Variants in UVRAG observed in about 807,000 individuals in gnomAD.
The protein encoded by UVRAG is UV radiation resistance associated.
A neutral mutation model predicts 78.0 loss-of-function variants in UVRAG; 19 were observed. The ratio of observed to expected loss-of-function variants is 0.24; its 90% confidence interval spans 0.17 to 0.36. The LOEUF is 0.36. Among genes scored for constraint, UVRAG ranks in the 10% least tolerant of loss-of-function variants. The pLI, the probability that UVRAG is intolerant of heterozygous loss-of-function variation, is 1.00. For missense variants in UVRAG, 740 were observed against 853.8 expected (o/e 0.87, Z 1.66); for synonymous variants, 323 against 324.6 (o/e 1.00, Z 0.05).
At chr11:75,973,345 T>G (rs1351168768) in intron 7 of UVRAG, among the ~76,000 whole-genome samples, 1 of 152,236 alleles carries the variant, frequency 6.6e-6, no homozygotes, top group African/African-American at 2.4e-5. Context: ...TGAATTACAT[T>G]AACTGCTCTT....
chr11:76,094,815 C>T (rs759879347), intron 13 of UVRAG, among the ~76,000 whole-genome samples: 3 of 152,012 alleles, frequency 2.0e-5, no homozygotes, highest in Non-Finnish European at 4.4e-5. Flanking sequence ...AAGCTTGGAG[C>T]ATGTGGACAG....
chr11:75,940,871 A>G (rs1399114675), intron 6 of UVRAG, among the ~76,000 whole-genome samples: 1 of 152,182 alleles, frequency 6.6e-6, no homozygotes, highest in Non-Finnish European at 1.5e-5. Flanking sequence ...CCTAACCACT[A>G]CACTATGCTA....
chr11:75,842,639 A>G (rs572903626), intron 1 of UVRAG, among the ~76,000 whole-genome samples: 5 of 152,006 alleles, frequency 3.3e-5, no homozygotes, highest in Non-Finnish European at 7.4e-5. Flanking sequence ...ACAGGGTTTC[A>G]CCATGTTGCC....
chr11:76,141,670 A>T lies in UVRAG; in HGVS notation c.*257A>T. On this transcript the variant is annotated 3_prime_UTR_variant, in exon 15 of 15. Coordinates refer to ENST00000356136, the MANE Select transcript of UVRAG (RefSeq NM_003369.4). ...AATCACCCTCTAGTTGAAAGAGCTT[A>T]CAGCTCGAGTCACCTTTTAGCTATT... 2 of 496,446 alleles carry T rather than the reference A, an allele frequency of 4.0e-6. No homozygotes were observed. The highest frequency in any genetic ancestry group is 7.2e-6 in the Non-Finnish European group (2 of 279,720). 30.8% of individuals were successfully genotyped at this position (496,446 alleles called of 1,614,324 possible).
chr11:76,090,133 C>T (rs1324764349), intron 13 of UVRAG, among the ~76,000 whole-genome samples: 1 of 152,178 alleles, frequency 6.6e-6, no homozygotes, highest in Non-Finnish European at 1.5e-5. Flanking sequence ...TCAAATGCAG[C>T]AACTGGTCAG....
At chr11:75,987,128 G>A (rs1199514961) in intron 8 of UVRAG, among the ~76,000 whole-genome samples, 2 of 152,138 alleles carry the variant, frequency 1.3e-5, no homozygotes, top group East Asian at 3.8e-4. Context: ...ACCTGGAAGT[G>A]GAATTGCTGG....
At chr11:75,829,647 G>T (rs566671552) in intron 1 of UVRAG, among the ~76,000 whole-genome samples, 57 of 152,326 alleles carry the variant, frequency 3.7e-4, no homozygotes, top group Non-Finnish European at 6.9e-4. Flanking sequence ...AAGCTTTTCT[G>T]TGAAGGACCA....
At chr11:75,843,414 T>TA (rs1230889508) in intron 1 of UVRAG, among the ~76,000 whole-genome samples, 2 of 152,234 alleles carry the variant, frequency 1.3e-5, no homozygotes, top group Non-Finnish European at 1.5e-5. Context: ...TAATAAACCT[T>TA]ACAGTATAAG....
chr11:75,838,530 C>T (rs1366870132), intron 1 of UVRAG, among the ~76,000 whole-genome samples: 1 of 151,870 alleles, frequency 6.6e-6, no homozygotes, highest in Non-Finnish European at 1.5e-5. Flanking sequence ...TAGAGACTCT[C>T]TCTCTATATA....
intron 6 of UVRAG, among the ~76,000 whole-genome samples, chr11:75,951,180 C>T (rs775572473): frequency 2.0e-5 from 3 of 152,062 alleles, no homozygotes; most frequent in Non-Finnish European, 4.4e-5. Context: ...TCAAATTAAT[C>T]TGTGTGTATG....
chr11:76,058,705 G>A (rs570706330), intron 12 of UVRAG, among the ~76,000 whole-genome samples: 1 of 152,268 alleles, frequency 6.6e-6, no homozygotes, highest in South Asian at 2.1e-4. Flanking sequence ...ACTACCACCA[G>A]AGCATGAGAT....
chr11:76,105,256 T>A (rs1349874525), intron 13 of UVRAG, among the ~76,000 whole-genome samples: 1 of 152,022 alleles, frequency 6.6e-6, no homozygotes, highest in Non-Finnish European at 1.5e-5. Flanking sequence ...AATACAAAAA[T>A]TAGCCAGACG....
At chr11:75,914,783 T>C (rs1392747293) in intron 6 of UVRAG, among the ~76,000 whole-genome samples, 1 of 151,692 alleles carries the variant, frequency 6.6e-6, no homozygotes, top group Non-Finnish European at 1.5e-5. Flanking sequence ...CGTGAGCCAC[T>C]GTGCCTGGCC....
At chr11:76,093,765 C>T (rs1951743528) in intron 13 of UVRAG, among the ~76,000 whole-genome samples, 1 of 152,174 alleles carries the variant, frequency 6.6e-6, no homozygotes, top group Non-Finnish European at 1.5e-5. Flanking sequence ...TGGGCTGAGA[C>T]AATGGGGTTT....
At chr11:76,083,074 AT>A (rs1156917934) in intron 13 of UVRAG, among the ~76,000 whole-genome samples, 1 of 152,202 alleles carries the variant, frequency 6.6e-6, no homozygotes, top group Non-Finnish European at 1.5e-5. Context: ...CTTGTAACAA[AT>A]CTGCATGTGT....
chr11:75,867,933 G>A (rs922323080), intron 3 of UVRAG, among the ~76,000 whole-genome samples: 5 of 152,194 alleles, frequency 3.3e-5, no homozygotes, highest in African/African-American at 1.2e-4. Context: ...ACTTTTAAGG[G>A]TGTGCGTGTA....
At chr11:76,015,413 G>T (rs528137832) in intron 11 of UVRAG, among the ~76,000 whole-genome samples, 1 of 152,240 alleles carries the variant, frequency 6.6e-6, no homozygotes, top group South Asian at 2.1e-4. Context: ...AATCGTGGAA[G>T]ATTGGGTGTC....
intron 5 of UVRAG, among the ~76,000 whole-genome samples, chr11:75,899,406 G>A (rs1947434764): frequency 6.6e-6 from 1 of 152,054 alleles, no homozygotes; most frequent in South Asian, 2.1e-4. Flanking sequence ...TGCCTGCTAT[G>A]AGACACTATG....
At chr11:75,961,779 A>C (rs141935180) in intron 7 of UVRAG, among the ~76,000 whole-genome samples, 1 of 152,202 alleles carries the variant, frequency 6.6e-6, no homozygotes, top group Non-Finnish European at 1.5e-5. Flanking sequence ...ATTACATAAA[A>C]TTACTTAGAA....
Sources: allele counts gnomAD v4.1 joint callset (sites outside exome capture counted in the v4.1 genomes callset), GRCh38; gene constraint gnomAD v4.1.1; transcripts MANE v1.5; gene names NCBI Gene and HGNC (gene_info 2026-07-23, HGNC 2026-07-21).